AATF: variants seen among roughly 807,000 people sequenced by gnomAD.
AATF encodes the protein apoptosis antagonizing transcription factor, also known as protein AATF.
Under a neutral mutation model 63.7 loss-of-function variants are expected in AATF, and 48 were observed. That is an observed-to-expected ratio of 0.75 (90% CI 0.60 to 0.96). The LOEUF is 0.96. AATF is among the 40% of genes least tolerant of loss of function. The pLI, the probability that AATF is intolerant of heterozygous loss-of-function variation, is 0.00. For synonymous variants in AATF, 258 were observed against 247.7 expected (o/e 1.04, Z -0.39); for missense variants, 639 against 685.7 (o/e 0.93, Z 0.76).
chr17:37,017,178 T>C (rs923529599), intron 8 of AATF, among the ~76,000 whole-genome samples: 1 of 152,218 alleles, frequency 6.6e-6, no homozygotes, highest in African/African-American at 2.4e-5. Flanking sequence ...GTGACCCTGA[T>C]TGCCCAGTCT....
At chr17:37,001,425 AAGG>A (rs2071295416) in intron 8 of AATF, among the ~76,000 whole-genome samples, 2 of 114,632 alleles carry the variant, frequency 1.7e-5, no homozygotes, top group Admixed American at 1.6e-4. Context: ...GGAAGGAAGG[AAGG>A]AAGGAAGGAA....
At chr17:37,011,285 G>C (rs1196426352) in intron 8 of AATF, among the ~76,000 whole-genome samples, 1 of 152,214 alleles carries the variant, frequency 6.6e-6, no homozygotes, top group Non-Finnish European at 1.5e-5. Context: ...TGAGGCAGGA[G>C]AATTGCTTGA....
At chr17:37,052,863 G>T (rs892352239) in intron 11 of AATF, 5 of 152,248 alleles carry the variant, frequency 3.3e-5, no homozygotes, top group Non-Finnish European at 5.9e-5. Context: ...GACAAGCCCT[G>T]TGCAGGCCGG....
intron 11 of AATF, among the ~76,000 whole-genome samples, chr17:37,032,026 G>A (rs1448788806): frequency 2.0e-5 from 3 of 152,196 alleles, no homozygotes; most frequent in African/African-American, 4.8e-5. Flanking sequence ...CCTTTTGAAA[G>A]TGGCTCTAGT....
In AATF at chr17:37,035,122, T is replaced by TA. The variant is rs555568603; in HGVS notation, c.1619+3449dup. 4.2e-4 allele frequency among the ~76,000 whole-genome samples: 60 copies of TA among 142,438 alleles called. No homozygotes were observed. The Middle Eastern group carries it at 0.011, about 26-fold the overall frequency. 93.4% of individuals were successfully genotyped at this position (142,438 alleles called of 152,430 possible). ...CTGGGCGACAGAATGAGACTCCATT[T>TA]AAAAAAAAAAAATCAAAAAAGAAAA... On this transcript the variant is annotated intron_variant, in intron 11 of 11. Transcript: ENST00000619387.
chr17:36,951,687 T>G (rs1597695467), intron 2 of AATF, among the ~76,000 whole-genome samples: 1 of 152,328 alleles, frequency 6.6e-6, no homozygotes, highest in East Asian at 1.9e-4. Context: ...ATGTACACTC[T>G]AGTAAACTCT....
Position 37,018,921 on chromosome 17 carries a change from C to T in AATF, c.1399-84C>T, listed in dbSNP as rs904190000. On this transcript the variant is annotated intron_variant, in intron 8 of 11. Coordinates refer to ENST00000619387, the MANE Select transcript of AATF (RefSeq NM_012138.4). Reference sequence around the variant, plus strand: ...TGTAGTTTTAGAGCTGTCACTATGCCATTCAGAATTCCTTCTCTGCCCTTT... The same window carrying T: ...TGTAGTTTTAGAGCTGTCACTATGCTATTCAGAATTCCTTCTCTGCCCTTT... The T allele has an allele frequency of 2.8e-6, 3 of 1,082,556 alleles. No individual in the cohort carries two copies. In the African/African-American group the frequency reaches 4.7e-5, roughly 17 times the overall value. 67.1% of individuals were successfully genotyped at this position (1,082,556 alleles called of 1,614,324 possible). A position where few individuals can be genotyped will look rare whatever the true frequency, so the allele number is the denominator to read the frequency against.
chr17:37,012,096 A>T (rs911303000), intron 8 of AATF, among the ~76,000 whole-genome samples: 8 of 151,356 alleles, frequency 5.3e-5, no homozygotes, highest in African/African-American at 1.9e-4. Context: ...TCTGTTGCTC[A>T]GGCTGGAGTG....
chr17:37,028,945 T>A (rs1597732226), intron 10 of AATF, among the ~76,000 whole-genome samples: 1 of 151,212 alleles, frequency 6.6e-6, no homozygotes, highest in East Asian at 1.9e-4. Context: ...TCATTCAAAA[T>A]TGTGTGAATA....
chr17:36,973,508 A>G (rs1425573826), intron 4 of AATF, among the ~76,000 whole-genome samples: 1 of 152,234 alleles, frequency 6.6e-6, no homozygotes, highest in Non-Finnish European at 1.5e-5. Context: ...GTCACAGCTT[A>G]AAGCAATGAA....
intron 8 of AATF, among the ~76,000 whole-genome samples, chr17:37,012,322 G>A (rs774277302): frequency 6.6e-6 from 1 of 152,126 alleles, no homozygotes; most frequent in Non-Finnish European, 1.5e-5. Flanking sequence ...CCCAGTGCTA[G>A]GATTATAGGC....
intron 8 of AATF, among the ~76,000 whole-genome samples, chr17:37,003,162 AT>A (rs1305254520): frequency 1.3e-5 from 2 of 152,124 alleles, no homozygotes; most frequent in African/African-American, 4.8e-5. Flanking sequence ...TAGTTCATTG[AT>A]TTTCAACAGG....
chr17:37,015,420 A>G (rs186268732), intron 8 of AATF, among the ~76,000 whole-genome samples: 1 of 152,280 alleles, frequency 6.6e-6, no homozygotes, highest in East Asian at 1.9e-4. Context: ...TTGTCTGGAG[A>G]GGGCTGCTGT....
At chr17:36,996,435 G>A (rs2071255725) in intron 8 of AATF, among the ~76,000 whole-genome samples, 3 of 151,930 alleles carry the variant, frequency 2.0e-5, no homozygotes, top group African/African-American at 7.3e-5. Context: ...ATAAACAAAT[G>A]AAATAAAAAT....
At chr17:36,960,492 G>A (rs1011825444) in intron 4 of AATF, among the ~76,000 whole-genome samples, 1 of 152,124 alleles carries the variant, frequency 6.6e-6, no homozygotes, top group African/African-American at 2.4e-5. Flanking sequence ...AAATACTAAA[G>A]ACTATATATA....
Position 36,990,875 on chromosome 17 carries a change from T to C in AATF, c.1398+18T>C. ...ACCACCAGGTGAGACTTTTACACTC[T>C]CTTGTTACAAATCATGTTTTAGCAT... On this transcript the variant is annotated intron_variant, in intron 8 of 11. Transcript: ENST00000619387. 6 of 1,506,734 alleles carry C rather than the reference T, an allele frequency of 4.0e-6. No homozygotes were observed. The highest frequency in any genetic ancestry group is 4.5e-6 in the Non-Finnish European group (5 of 1,121,376). 93.3% of individuals were successfully genotyped at this position (1,506,734 alleles called of 1,614,324 possible). A position where few individuals can be genotyped will look rare whatever the true frequency, so the allele number is the denominator to read the frequency against.
intron 5 of AATF, among the ~76,000 whole-genome samples, chr17:36,988,070 T>G (rs2071182657): frequency 6.6e-6 from 1 of 152,222 alleles, no homozygotes; most frequent in South Asian, 2.1e-4. Context: ...TCCCAGCACT[T>G]TGGGAGGCCG....
intron 11 of AATF, chr17:37,045,611 C>G (rs893765748): frequency 6.6e-6 from 1 of 152,270 alleles, no homozygotes; most frequent in Admixed American, 6.5e-5. Flanking sequence ...TACACATTTT[C>G]TCATACACAC....
At chr17:37,000,743 T>C (rs780089968) in intron 8 of AATF, among the ~76,000 whole-genome samples, 4 of 152,118 alleles carry the variant, frequency 2.6e-5, no homozygotes, top group South Asian at 4.2e-4. Flanking sequence ...TATTTATAGA[T>C]TGGGGAGATG....
Sources: gnomAD v4.1 joint callset for allele counts (sites outside exome capture counted in the v4.1 genomes callset) on GRCh38, gnomAD v4.1.1 for gene constraint, MANE v1.5 for transcripts, NCBI Gene and HGNC (gene_info 2026-07-23, HGNC 2026-07-21) for gene names.